Variants in C10orf67 observed in about 807,000 individuals in gnomAD.
C10orf67 encodes chromosome 10 open reading frame 67.
Under a neutral mutation model 35.6 loss-of-function variants are expected in C10orf67, and 60 were observed. The observed-to-expected ratio is 1.68, with a 90% CI of 1.37 to 2.09. The LOEUF is 2.09. Among genes scored for constraint, C10orf67 ranks in the 30% most tolerant of loss-of-function variants. The probability of loss-of-function intolerance (pLI) is 0.00; values close to 1 mark genes in which losing one functional copy is unlikely to be tolerated. For missense variants in C10orf67, 474 were observed against 330.2 expected (o/e 1.44, Z -3.38); for synonymous variants, 167 against 115.8 (o/e 1.44, Z -2.84).
intron 5 of C10orf67, among the ~76,000 whole-genome samples, chr10:23,293,094 A>T (rs899725381): frequency 6.6e-6 from 1 of 152,218 alleles, no homozygotes; most frequent in African/African-American, 2.4e-5. Flanking sequence ...ATGAACATCC[A>T]CAGAGGATTA....
At chr10:23,288,188 T>A (rs1443171005) in intron 7 of C10orf67, among the ~76,000 whole-genome samples, 2 of 152,188 alleles carry the variant, frequency 1.3e-5, no homozygotes, top group Non-Finnish European at 2.9e-5. Context: ...ACTGCAGCAT[T>A]ATTTACAATA....
intron 3 of C10orf67, 47 bp downstream of exon 3, chr10:23,322,347 G>A: frequency 6.3e-7 from 1 of 1,576,528 alleles, no homozygotes; most frequent in Non-Finnish European, 8.7e-7. Context: ...ACACATCTAA[G>A]CACAGTATCA....
intron 13 of C10orf67, among the ~76,000 whole-genome samples, chr10:23,236,421 A>G (rs1842055551): frequency 6.6e-6 from 1 of 151,536 alleles, no homozygotes; most frequent in Non-Finnish European, 1.5e-5. Flanking sequence ...ACAGAGTGAG[A>G]CTCTGTCTCA....
At chr10:23,276,221 G>A (rs530540836) in intron 8 of C10orf67, among the ~76,000 whole-genome samples, 7 of 152,244 alleles carry the variant, frequency 4.6e-5, no homozygotes, top group African/African-American at 1.7e-4. Context: ...TCTGAGGAGG[G>A]AAGGAACCTT....
intron 7 of C10orf67, 114 bp from the exon 8 acceptor site, chr10:23,282,192 C>T: frequency 2.7e-6 from 1 of 373,438 alleles, no homozygotes. Flanking sequence ...GGATCTCAAT[C>T]TGATCAAAAG....
chr10:23,342,224 AC>A (rs1845922121), intron 1 of C10orf67, among the ~76,000 whole-genome samples: 1 of 151,206 alleles, frequency 6.6e-6, no homozygotes, highest in African/African-American at 2.4e-5. Flanking sequence ...CTTGCCACAC[AC>A]ACACACACAC....
chr10:23,248,618 A>G (rs1286519742), intron 12 of C10orf67, among the ~76,000 whole-genome samples: 1 of 152,140 alleles, frequency 6.6e-6, no homozygotes, highest in Non-Finnish European at 1.5e-5. Flanking sequence ...GTTACAGTAA[A>G]ATGAAATTAC....
intron 2 of C10orf67, among the ~76,000 whole-genome samples, chr10:23,330,670 G>A (rs1241396245): frequency 1.3e-5 from 2 of 151,622 alleles, no homozygotes; most frequent in South Asian, 4.2e-4. Flanking sequence ...AACCTGAGAG[G>A]CGGAGGTTGC....
At chr10:23,233,445 C>T (rs1027973779) in intron 13 of C10orf67, among the ~76,000 whole-genome samples, 1 of 152,052 alleles carries the variant, frequency 6.6e-6, no homozygotes, top group Non-Finnish European at 1.5e-5. Flanking sequence ...AATTCATGGT[C>T]CAGTTTATAA....
At position 23,301,550 on chromosome 10, in the gene C10orf67, C is replaced by T. The variant is rs1844076088; in HGVS notation, c.702+1754G>A. 2.0e-5 allele frequency among the ~76,000 whole-genome samples: 3 copies of T among 152,180 alleles called. No individual in the cohort carries two copies. In the South Asian group the frequency reaches 6.2e-4, roughly 32 times the overall value. On this transcript the variant is annotated intron_variant, in intron 5 of 15. Coordinates refer to ENST00000636213, the MANE Select transcript of C10orf67 (RefSeq NM_001371909.1). ...AATGTTACTGGGGGGTCCTTGCACCCAGAGCTCCCAAGATGGTGGTGGGCC... is the reference window on the plus strand; with the variant it reads ...AATGTTACTGGGGGGTCCTTGCACCTAGAGCTCCCAAGATGGTGGTGGGCC...
chr10:23,271,595 C>A lies in C10orf67; in HGVS notation c.976-4341G>T, dbSNP rs559471018. Among the ~76,000 whole-genome samples, 5 of 152,284 alleles carry A rather than the reference C, an allele frequency of 3.3e-5. No homozygotes were observed. The South Asian group carries it at 1.0e-3, about 32-fold the overall frequency. On this transcript the variant is annotated intron_variant, in intron 8 of 15. Transcript: ENST00000636213. ...CCTTGACAACACTTTATATGGTCGA[C>A]CTTTTAAATTTTAGCCATGCTAGTG...
chr10:23,209,998 T>TAAAAAAA (rs59247961), intron 15 of C10orf67, among the ~76,000 whole-genome samples: 1 of 67,216 alleles, frequency 1.5e-5, no homozygotes, highest in African/African-American at 5.7e-5. Context: ...AGACCTTGGC[T>TAAAAAAA]AAAAAAAAAA....
chr10:23,281,276 T>A (rs1484421339), intron 8 of C10orf67, among the ~76,000 whole-genome samples: 7 of 152,176 alleles, frequency 4.6e-5, no homozygotes, highest in African/African-American at 1.7e-4. Flanking sequence ...TGGCACAAAG[T>A]GTGACAAGCT....
chr10:23,274,538 G>T (rs1843125802), intron 8 of C10orf67, among the ~76,000 whole-genome samples: 1 of 152,066 alleles, frequency 6.6e-6, no homozygotes, highest in Non-Finnish European at 1.5e-5. Flanking sequence ...GTTTATATAG[G>T]CTCCCTGCAG....
chr10:23,244,027 G>A (rs980954906), intron 12 of C10orf67, among the ~76,000 whole-genome samples: 5 of 152,116 alleles, frequency 3.3e-5, no homozygotes, highest in African/African-American at 1.2e-4. Context: ...ATGTAACTGG[G>A]ACCACAGGTG....
At chr10:23,257,835 G>A (rs1391587087) in intron 10 of C10orf67, among the ~76,000 whole-genome samples, 1 of 151,540 alleles carries the variant, frequency 6.6e-6, no homozygotes, top group African/African-American at 2.4e-5. Context: ...TGGTCTAGTA[G>A]AGGTAACCAT....
intron 4 of C10orf67, among the ~76,000 whole-genome samples, chr10:23,307,689 C>T (rs982118461): frequency 2.0e-5 from 3 of 151,456 alleles, no homozygotes; most frequent in Non-Finnish European, 2.9e-5. Context: ...ACTGCAACCT[C>T]CGCTTTCTGG....
At chr10:23,313,684 A>G (rs1844580766) in intron 4 of C10orf67, among the ~76,000 whole-genome samples, 1 of 152,196 alleles carries the variant, frequency 6.6e-6, no homozygotes, top group Non-Finnish European at 1.5e-5. Flanking sequence ...GTGGTTAATA[A>G]CTTGAGGAGA....
chr10:23,275,024 T>C lies in C10orf67; in HGVS notation c.975+6989A>G, dbSNP rs190497802. On this transcript the variant is annotated intron_variant, in intron 8 of 15. Transcript: ENST00000636213. ...CTGACTTGCTGCAACACACAGGTGGTTCCTTATTTCCTTGTGTGCTTCCTT... is the reference window on the plus strand; with the variant it reads ...CTGACTTGCTGCAACACACAGGTGGCTCCTTATTTCCTTGTGTGCTTCCTT... 1.5e-3 allele frequency among the ~76,000 whole-genome samples: 231 copies of C among 152,292 alleles called. 2 individuals are homozygous for C. Among genetic ancestry groups the C allele is most frequent in the African/African-American group, 5.1e-3 (213 of 41,558 alleles).
Sources: allele counts gnomAD v4.1 joint callset (sites outside exome capture counted in the v4.1 genomes callset), GRCh38; gene constraint gnomAD v4.1.1; transcripts MANE v1.5; gene names NCBI Gene and HGNC (gene_info 2026-07-23, HGNC 2026-07-21).